The following DDX4 variants were observed in gnomAD, a reference collection of about 807,000 sequenced individuals.
DDX4 encodes probable ATP-dependent RNA helicase DDX4.
In DDX4, 25 loss-of-function variants were observed where a neutral mutation model predicts 100.0. That is an observed-to-expected ratio of 0.25 (90% CI 0.18 to 0.35). The LOEUF is 0.35. DDX4 is among the 10% of genes least tolerant of loss of function. The probability of loss-of-function intolerance (pLI) is 1.00; values close to 1 mark genes in which losing one functional copy is unlikely to be tolerated. For missense variants in DDX4, 635 were observed against 882.4 expected, an observed-to-expected ratio of 0.72 and a Z score of 3.55; for synonymous variants, 259 against 275.7, an observed-to-expected ratio of 0.94 and a Z score of 0.60.
At chr5:55,767,970 C>CT (rs767557836) in intron 7 of DDX4, 30 bp downstream of exon 7, 13 of 1,595,634 alleles carry the variant, frequency 8.1e-6, no homozygotes, top group African/African-American at 1.3e-5. Context: ...ACAATTTGTA[C>CT]TTAACACAGA....
chr5:55,768,000 T>A, intron 7 of DDX4, 60 bp downstream of exon 7: 1 of 1,463,298 alleles, frequency 6.8e-7, no homozygotes, highest in Non-Finnish European at 9.6e-7. Flanking sequence ...CTGGTAAAAC[T>A]GATTTTGAAG....
intron 3 of DDX4, among the ~76,000 whole-genome samples, chr5:55,751,464 A>T (rs975953245): frequency 6.6e-6 from 1 of 152,138 alleles, no homozygotes; most frequent in Non-Finnish European, 1.5e-5. Flanking sequence ...TGAACTCCTG[A>T]GCTCAAGTGA....
At chr5:55,747,253 C>A (rs1316586416) in intron 3 of DDX4, among the ~76,000 whole-genome samples, 2 of 152,182 alleles carry the variant, frequency 1.3e-5, no homozygotes, top group Non-Finnish European at 2.9e-5. Flanking sequence ...TGCTGCATGC[C>A]TGCAGTCCCA....
intron 18 of DDX4, among the ~76,000 whole-genome samples, chr5:55,807,872 T>G (rs190273159): frequency 1.7e-4 from 26 of 152,342 alleles, no homozygotes; most frequent in Non-Finnish European, 3.2e-4. Flanking sequence ...TGGCCTGCCT[T>G]GCTAGATTGA....
At chr5:55,776,959 C>T in intron 7 of DDX4, among the ~76,000 whole-genome samples, 1 of 152,192 alleles carries the variant, frequency 6.6e-6, no homozygotes, top group South Asian at 2.1e-4. Context: ...AATGAAAAGA[C>T]TGAAATTCTT....
chr5:55,742,118 G>C lies in DDX4; in HGVS notation c.69+3086G>C, dbSNP rs1354457201. ...ATTTTAAAGTGAGTGTACCACCTGG[G>C]AATAGAACAGCGAAAGATGTGAAGT... On this transcript the variant is annotated intron_variant, in intron 2 of 21. Coordinates refer to ENST00000505374, the MANE Select transcript of DDX4 (RefSeq NM_024415.3). The C allele has an allele frequency of 6.6e-6, 3 of 455,650 alleles. No individual in the cohort carries two copies. The Admixed American group carries it at 7.0e-5, about 11-fold the overall frequency. The allele number at this position is 455,650 out of a possible 1,614,324, so 28.2% of individuals were successfully genotyped here.
chr5:55,801,696 A>G (rs182610206), intron 18 of DDX4, among the ~76,000 whole-genome samples: 21 of 152,314 alleles, frequency 1.4e-4, no homozygotes, highest in African/African-American at 4.6e-4. Flanking sequence ...ATTGTTCATT[A>G]ACAATAAATG....
intron 18 of DDX4, 111 bp downstream of exon 18, chr5:55,798,682 T>G (rs1223068832): frequency 2.1e-6 from 2 of 955,426 alleles, no homozygotes; most frequent in Admixed American, 6.5e-5. Flanking sequence ...TTGTTTTAAG[T>G]CTCTCTCCCT....
intron 7 of DDX4, among the ~76,000 whole-genome samples, chr5:55,769,201 T>C (rs1430486996): frequency 6.6e-6 from 1 of 152,168 alleles, no homozygotes; most frequent in Non-Finnish European, 1.5e-5. Context: ...AGGGCCTGTG[T>C]CTAGAATGGT....
chr5:55,796,130 A>G (rs1176892670), intron 17 of DDX4, among the ~76,000 whole-genome samples: 1 of 152,144 alleles, frequency 6.6e-6, no homozygotes, highest in Non-Finnish European at 1.5e-5. Context: ...AAGTTATCCC[A>G]CCTTCTTCTG....
chr5:55,815,937 G>GTTTTTTTTT (rs369016313), intron 21 of DDX4, among the ~76,000 whole-genome samples: 25 of 109,140 alleles, frequency 2.3e-4, no homozygotes, highest in African/African-American at 2.9e-4. Flanking sequence ...ATCTTAGCTG[G>GTTTTTTTTT]TTTTTTTTTT....
At chr5:55,798,115 T>C (rs1208729748) in intron 17 of DDX4, among the ~76,000 whole-genome samples, 3 of 152,228 alleles carry the variant, frequency 2.0e-5, no homozygotes, top group Non-Finnish European at 4.4e-5. Context: ...TTATTTCTTT[T>C]AGTTCATGCT....
rs78966876 is a variant in DDX4, at chr5:55,751,236, T to G, written c.127+5015T>G. ...TTTGGGTATAAAGTAAAATCTTTTT[T>G]TTGTTGTTGTTTTTTGAGACAGGGC... On this transcript the variant is annotated intron_variant, in intron 3 of 21. Transcript: ENST00000505374. Among the ~76,000 whole-genome samples the G allele has an allele frequency of 6.7e-3, 1,020 of 152,288 alleles. 6 individuals carry two copies. Among genetic ancestry groups the G allele is most frequent in the African/African-American group, 0.015 (620 of 41,550 alleles).
Position 55,800,393 on chromosome 5 carries a change from G to A in DDX4, c.1615+1822G>A, listed in dbSNP as rs527713248. 7.4e-5 allele frequency among the ~76,000 whole-genome samples: 11 copies of A among 148,994 alleles called. No individual in the cohort carries two copies. The East Asian group carries it at 1.2e-3, about 16-fold the overall frequency. On this transcript the variant is annotated intron_variant, in intron 18 of 21. Transcript: ENST00000505374. ...GGCTGGAGTACAGTGGCACAATCTC[G>A]GCTCACTGCAACCTCTGCCTCCCGG...
chr5:55,788,087 C>A, intron 15 of DDX4, 87 bp downstream of exon 15: 2 of 1,154,168 alleles, frequency 1.7e-6, no homozygotes, highest in Non-Finnish European at 2.4e-6. Context: ...AGTAATAATG[C>A]ACTCATGTAA....
rs1744300589 is a variant in DDX4, at chr5:55,814,809, A to AT, written c.1716-90dup. The AT allele has an allele frequency of 6.4e-6, 9 of 1,413,738 alleles. 1 individual carries two copies. In the South Asian group the frequency reaches 1.2e-4, roughly 19 times the overall value. The allele number at this position is 1,413,738 out of a possible 1,614,324, so 87.6% of individuals were successfully genotyped here. On this transcript the variant is annotated intron_variant, in intron 19 of 21. Transcript: ENST00000505374. ...CCAGCCAAATGCTGCTATTCATACTATTATTAAAAAGAAATTTGTATGTTG... is the reference window on the plus strand; with the variant it reads ...CCAGCCAAATGCTGCTATTCATACTATTTATTAAAAAGAAATTTGTATGTTG...
At chr5:55,757,429 C>T (rs1164457679) in intron 3 of DDX4, among the ~76,000 whole-genome samples, 1 of 152,176 alleles carries the variant, frequency 6.6e-6, no homozygotes, top group African/African-American at 2.4e-5. Context: ...CAGGTTGCTG[C>T]AAATGCCATT....
chr5:55,812,670 A>G (rs1744186858), intron 18 of DDX4, among the ~76,000 whole-genome samples: 1 of 152,126 alleles, frequency 6.6e-6, no homozygotes, highest in African/African-American at 2.4e-5. Context: ...AGATACCTGC[A>G]CAGTTCACTA....
At chr5:55,740,507 A>G (rs1375101343) in intron 2 of DDX4, among the ~76,000 whole-genome samples, 2 of 146,628 alleles carry the variant, frequency 1.4e-5, no homozygotes, top group East Asian at 3.9e-4. Flanking sequence ...ATATAACAGT[A>G]ATTTTTTTTT....
Sources: gnomAD v4.1 joint callset for allele counts (sites outside exome capture counted in the v4.1 genomes callset) on GRCh38, gnomAD v4.1.1 for gene constraint, MANE v1.5 for transcripts, NCBI Gene and HGNC (gene_info 2026-07-23, HGNC 2026-07-21) for gene names.